The following SLC9A4 variants were observed in gnomAD, a reference collection of about 807,000 sequenced individuals.
The protein encoded by SLC9A4 is sodium/hydrogen exchanger 4.
Under a neutral mutation model 67.4 loss-of-function variants are expected in SLC9A4, and 63 were observed. The ratio of observed to expected loss-of-function variants is 0.93; its 90% CI spans 0.76 to 1.15. The LOEUF (loss-of-function observed/expected upper bound fraction) is 1.15. Ranked by LOEUF, SLC9A4 falls within the 50% of genes most tolerant of loss-of-function variation. The pLI, the probability that SLC9A4 is intolerant of heterozygous loss-of-function variation, is 0.00. For missense variants in SLC9A4, 1,089 were observed against 987.7 expected (o/e 1.10, Z -1.38); for synonymous variants, 393 against 367.2 (o/e 1.07, Z -0.80).
rs1316037891 is a variant in SLC9A4, at chr2:102,526,311, C to G, written c.2003C>G (p.Ser668Cys). 1.9e-6 allele frequency: 3 copies of G among 1,613,914 alleles called. No homozygotes were observed. The highest frequency in any genetic ancestry group is 2.2e-5 in the South Asian group (2 of 91,060). The change falls in exon 11 of 12, where the codon TCT (serine) becomes TGT (cysteine). Residue 668 changes from serine (S) to cysteine (C), a missense_variant. Ser to Cys is a moderately radical substitution (Grantham distance 112). Transcript: ENST00000295269. ...TCCTACCCCTACGGGAATCCTCAGT[C>G]TGCAGGAAGAGACACAAGGGCTGCT... Reference protein sequence around the residue: ...YLSYPYGNPQSAGRDTRAAGF... With the variant: ...YLSYPYGNPQCAGRDTRAAGF...
intron 8 of SLC9A4, among the ~76,000 whole-genome samples, chr2:102,519,271 T>C (rs1271061834): frequency 6.6e-6 from 1 of 152,218 alleles, no homozygotes; most frequent in Non-Finnish European, 1.5e-5. Flanking sequence ...TCTTCAATTA[T>C]TTCTTAACCA....
rs548286436 is a variant in SLC9A4, at chr2:102,475,523, A to T, written c.256+1508A>T. On this transcript the variant is annotated intron_variant, in intron 1 of 11. Transcript: ENST00000295269. ...AAAACCTAGCTTGTTTTGTAGAGGCATTGTATGCACCCAGATTCATTCTGT... is the reference window on the plus strand; with the variant it reads ...AAAACCTAGCTTGTTTTGTAGAGGCTTTGTATGCACCCAGATTCATTCTGT... Among the ~76,000 whole-genome samples, 5 of 152,330 alleles carry T rather than the reference A, an allele frequency of 3.3e-5. No individual in the cohort carries two copies. In the South Asian group the frequency reaches 1.0e-3, roughly 32 times the overall value.
chr2:102,486,187 C>T (rs1394880548), intron 2 of SLC9A4, among the ~76,000 whole-genome samples: 1 of 152,212 alleles, frequency 6.6e-6, no homozygotes, highest in African/African-American at 2.4e-5. Context: ...CCTGCCTCCA[C>T]TCCTTGCAAG....
In SLC9A4 at chr2:102,485,059, G is replaced by A. The variant is rs78445975; in HGVS notation, c.720+5757G>A. Among the ~76,000 whole-genome samples, 684 of 152,236 alleles carry A rather than the reference G, an allele frequency of 4.5e-3. 4 individuals are homozygous for A. The highest frequency in any genetic ancestry group is 0.016 in the African/African-American group (647 of 41,536). Reference sequence around the variant, plus strand: ...TTTAAGCCTCATGGCACCTTAATGAGGTGGTGATAGTACACAGTGGTTAAG... The same window carrying A: ...TTTAAGCCTCATGGCACCTTAATGAAGTGGTGATAGTACACAGTGGTTAAG... On this transcript the variant is annotated intron_variant, in intron 2 of 11. Coordinates refer to ENST00000295269, the MANE Select transcript of SLC9A4 (RefSeq NM_001011552.4).
chr2:102,519,036 G>T (rs1361310539), intron 8 of SLC9A4, among the ~76,000 whole-genome samples: 1 of 152,128 alleles, frequency 6.6e-6, no homozygotes, highest in African/African-American at 2.4e-5. Flanking sequence ...CCACTAGATT[G>T]TAATCAAATA....
At chr2:102,524,706 A>G (rs1674623367) in intron 9 of SLC9A4, among the ~76,000 whole-genome samples, 1 of 152,162 alleles carries the variant, frequency 6.6e-6, no homozygotes, top group Non-Finnish European at 1.5e-5. Flanking sequence ...CCTGGCATCA[A>G]AAACATGACC....
chr2:102,510,412 C>T (rs763044628), intron 6 of SLC9A4, among the ~76,000 whole-genome samples: 1 of 152,166 alleles, frequency 6.6e-6, no homozygotes, highest in Non-Finnish European at 1.5e-5. Flanking sequence ...GGCTGGAACC[C>T]TCAGGCATGA....
intron 4 of SLC9A4, among the ~76,000 whole-genome samples, chr2:102,507,762 A>T (rs1685079102): frequency 6.6e-6 from 1 of 152,192 alleles, no homozygotes. Context: ...GACAAAAATT[A>T]TGAATATAGA....
chr2:102,505,171 T>G, intron 3 of SLC9A4, 83 bp from the exon 4 acceptor site: 1 of 1,232,654 alleles, frequency 8.1e-7, no homozygotes. Context: ...GCTTCATGCA[T>G]CTGTGGCATT....
rs572426551 is a variant in SLC9A4, at chr2:102,506,706, G to C, written c.1198+1235G>C. On this transcript the variant is annotated intron_variant, in intron 4 of 11. Coordinates refer to ENST00000295269, the MANE Select transcript of SLC9A4 (RefSeq NM_001011552.4). Reference sequence around the variant, plus strand: ...TACTCTGGGACTCTGGGAATCTACAGGGGAGTAGAGCTAATGCCAAGAGAA... The same window carrying C: ...TACTCTGGGACTCTGGGAATCTACACGGGAGTAGAGCTAATGCCAAGAGAA... 4.6e-5 allele frequency among the ~76,000 whole-genome samples: 7 copies of C among 152,288 alleles called. No individual in the cohort carries two copies. In the East Asian group the frequency reaches 1.4e-3, roughly 29 times the overall value.
intron 2 of SLC9A4, among the ~76,000 whole-genome samples, chr2:102,481,989 G>T (rs529899193): frequency 2.0e-5 from 3 of 152,152 alleles, no homozygotes; most frequent in South Asian, 4.1e-4. Flanking sequence ...TTTCCTAAGC[G>T]AAGGAGGCCC....
At chr2:102,498,989 C>T (rs1275733328) in intron 2 of SLC9A4, among the ~76,000 whole-genome samples, 1 of 152,134 alleles carries the variant, frequency 6.6e-6, no homozygotes, top group Non-Finnish European at 1.5e-5. Context: ...TGGGAGAGCC[C>T]TCAGGTCGCA....
intron 8 of SLC9A4, among the ~76,000 whole-genome samples, chr2:102,514,804 TC>T (rs552046583): frequency 1.7e-3 from 254 of 152,260 alleles, no homozygotes; most frequent in African/African-American, 6.0e-3. Flanking sequence ...TTGTCTTGAG[TC>T]TATGTGAGAC....
intron 2 of SLC9A4, among the ~76,000 whole-genome samples, chr2:102,482,593 G>A (rs959744578): frequency 6.6e-6 from 1 of 152,082 alleles, no homozygotes; most frequent in African/African-American, 2.4e-5. Flanking sequence ...CCCATGATGT[G>A]TCCATTTCCT....
At chr2:102,497,568 A>G (rs1220277664) in intron 2 of SLC9A4, among the ~76,000 whole-genome samples, 1 of 152,226 alleles carries the variant, frequency 6.6e-6, no homozygotes, top group African/African-American at 2.4e-5. Flanking sequence ...TGCTGAGTTA[A>G]ATAAGCCCGA....
chr2:102,499,764 C>G (rs4851600), intron 2 of SLC9A4, among the ~76,000 whole-genome samples: 107,788 of 152,130 alleles, frequency 0.71, 38,909 homozygotes, highest in Middle Eastern at 0.77. Context: ...TCTAAACATG[C>G]TTATTGGCTA....
intron 2 of SLC9A4, among the ~76,000 whole-genome samples, chr2:102,481,308 G>A (rs909742053): frequency 3.0e-4 from 46 of 152,050 alleles, no homozygotes; most frequent in African/African-American, 9.9e-4. Flanking sequence ...CTTTGACAAG[G>A]GACATTGTTT....
At chr2:102,504,844 T>C (rs1018590808) in intron 3 of SLC9A4, among the ~76,000 whole-genome samples, 2 of 152,208 alleles carry the variant, frequency 1.3e-5, no homozygotes, top group African/African-American at 4.8e-5. Context: ...GAAGTTTTGA[T>C]CATTTATGGT....
chr2:102,501,893 A>T (rs1402608944), intron 2 of SLC9A4, among the ~76,000 whole-genome samples: 1 of 151,814 alleles, frequency 6.6e-6, no homozygotes, highest in African/African-American at 2.4e-5. Flanking sequence ...TGAGCCTGGC[A>T]GGGTGCAGCA....
Sources: allele counts gnomAD v4.1 joint callset (sites outside exome capture counted in the v4.1 genomes callset), GRCh38; gene constraint gnomAD v4.1.1; transcripts MANE v1.5; gene names NCBI Gene and HGNC (gene_info 2026-07-23, HGNC 2026-07-21).